STK31: variants seen among roughly 807,000 people sequenced by gnomAD.
STK31 encodes serine/threonine kinase 31, also known as serine/threonine-protein kinase 31.
Under a neutral mutation model 129.7 loss-of-function variants are expected in STK31, and 89 were observed. That is an observed-to-expected ratio of 0.69 (90% confidence interval 0.58 to 0.82). STK31 has a LOEUF of 0.82. STK31 is among the 40% of genes least tolerant of loss of function. The pLI is 0.00. For missense variants in STK31, 1,187 were observed against 1,176.4 expected (o/e 1.01, Z -0.13); for synonymous variants, 448 against 395.3 (o/e 1.13, Z -1.58).
At chr7:23,768,355 C>A in intron 11 of STK31, among the ~76,000 whole-genome samples, 1 of 152,114 alleles carries the variant, frequency 6.6e-6, no homozygotes, top group South Asian at 2.1e-4. Flanking sequence ...GATGAAATTG[C>A]CTCACGATGC....
chr7:23,730,855 T>TA (rs1787361762), intron 6 of STK31, among the ~76,000 whole-genome samples: 2 of 70,418 alleles, frequency 2.8e-5, no homozygotes, highest in Admixed American at 2.2e-4. Context: ...TATATAAACA[T>TA]TTATATATAT....
intron 23 of STK31, among the ~76,000 whole-genome samples, chr7:23,828,821 G>C (rs1353372343): frequency 2.6e-5 from 4 of 152,174 alleles, no homozygotes; most frequent in Non-Finnish European, 1.5e-5. Context: ...GGACTGTGTT[G>C]AAGAGAAGTG....
At chr7:23,783,419 G>A (rs1293414527) in intron 16 of STK31, among the ~76,000 whole-genome samples, 164 bp from the exon 17 acceptor site, 2 of 152,178 alleles carry the variant, frequency 1.3e-5, no homozygotes, top group African/African-American at 2.4e-5. Context: ...AAGGTGAGTC[G>A]TGGTTTTCAC....
intron 5 of STK31, 36 bp from the exon 6 acceptor site, chr7:23,729,055 G>A (rs1787244760): frequency 6.6e-7 from 1 of 1,515,278 alleles, no homozygotes; most frequent in African/African-American, 1.4e-5. Context: ...ATTTAATCTG[G>A]GGTCAGTATT....
At chr7:23,749,080 G>A (rs1177417950) in intron 8 of STK31, among the ~76,000 whole-genome samples, 4 of 152,110 alleles carry the variant, frequency 2.6e-5, no homozygotes, top group African/African-American at 7.2e-5. Flanking sequence ...TTTGATTTCC[G>A]TTACAGTGTT....
intron 11 of STK31, among the ~76,000 whole-genome samples, chr7:23,763,161 A>C (rs1789576235): frequency 6.6e-6 from 1 of 152,188 alleles, no homozygotes; most frequent in African/African-American, 2.4e-5. Flanking sequence ...TCCAGTATTC[A>C]CTGGGGAAAT....
intron 23 of STK31, among the ~76,000 whole-genome samples, chr7:23,831,574 G>C (rs905602164): frequency 6.6e-6 from 1 of 152,138 alleles, no homozygotes; most frequent in Non-Finnish European, 1.5e-5. Context: ...ATTCAAGGCT[G>C]TCATTGATAC....
chr7:23,817,351 G>A (rs573939848), intron 23 of STK31, among the ~76,000 whole-genome samples: 47 of 152,310 alleles, frequency 3.1e-4, no homozygotes, highest in African/African-American at 1.1e-3. Context: ...CATTGAAAAT[G>A]AGATTAATAA....
chr7:23,776,697 T>C lies in STK31; in HGVS notation c.1965+4419T>C, dbSNP rs147387190. 3.9e-3 allele frequency among the ~76,000 whole-genome samples: 601 copies of C among 152,246 alleles called. 6 individuals are homozygous for C. The highest frequency in any genetic ancestry group is 0.013 in the African/African-American group (551 of 41,566). On this transcript the variant is annotated intron_variant, in intron 15 of 23. Coordinates refer to ENST00000355870, the MANE Select transcript of STK31 (RefSeq NM_031414.5). ...TGATATCCCCTTTATCATTTTTTAT[T>C]GTGTCTATTTGATTCTTCTTTATTA... is the stretch of plus-strand genomic sequence containing the variant.
At position 23,771,102 on chromosome 7, in the gene STK31, C is replaced by T. The variant is rs745393702; in HGVS notation, c.1811C>T (p.Ala604Val). The part of the protein sequence containing the change: ...SEERLIATVQ[A>V]KYKDSIEFKK... ...GAAAGGCTCATTGCCACAGTACAAGCTAAGTACAAGGACAGTATTGAGGTT... is the reference window on the plus strand; with the variant it reads ...GAAAGGCTCATTGCCACAGTACAAGTTAAGTACAAGGACAGTATTGAGGTT... Residue 604 changes from alanine to valine, a missense_variant, in exon 14 of 24, where the codon GCT becomes GTT. Physicochemically the swap from Ala to Val is moderately conservative, Grantham distance 64. Around this residue, in one of 5 missense-constraint regions of STK31, gnomAD observed 975 missense variants for 934.9 expected, o/e 1.04. Transcript: ENST00000355870. 1.9e-6 allele frequency: 3 copies of T among 1,612,150 alleles called. No individual in the cohort carries two copies. In the Admixed American group the frequency reaches 5.0e-5, roughly 27 times the overall value.
At chr7:23,777,826 C>T (rs1190307506) in intron 15 of STK31, among the ~76,000 whole-genome samples, 1 of 152,144 alleles carries the variant, frequency 6.6e-6, no homozygotes, top group Non-Finnish European at 1.5e-5. Flanking sequence ...GGGCATTTCA[C>T]CTGTTTACAT....
chr7:23,763,144 T>C (rs961348558), intron 11 of STK31, among the ~76,000 whole-genome samples: 1 of 152,152 alleles, frequency 6.6e-6, no homozygotes, highest in Non-Finnish European at 1.5e-5. Context: ...GTAAAATGGC[T>C]AGGGACTCCA....
intron 8 of STK31, among the ~76,000 whole-genome samples, chr7:23,749,537 T>C (rs1274284196): frequency 7.2e-6 from 1 of 138,760 alleles, no homozygotes; most frequent in South Asian, 2.3e-4. Flanking sequence ...TTTTTGGGGG[T>C]AGAGACCATT....
chr7:23,800,228 A>T (rs1282148703), intron 22 of STK31, among the ~76,000 whole-genome samples: 1 of 152,346 alleles, frequency 6.6e-6, no homozygotes, highest in East Asian at 1.9e-4. Context: ...CAATCGCATT[A>T]CTGGGTATAT....
At chr7:23,772,360 T>A in intron 15 of STK31, 82 bp downstream of exon 15, 1 of 1,362,268 alleles carries the variant, frequency 7.3e-7, no homozygotes, top group South Asian at 1.4e-5. Context: ...AATGCATAAA[T>A]ACACTCTTTA....
intron 22 of STK31, among the ~76,000 whole-genome samples, chr7:23,812,311 C>A (rs1793186321): frequency 6.6e-6 from 1 of 151,132 alleles, no homozygotes; most frequent in South Asian, 2.1e-4. Flanking sequence ...GTTTATCATA[C>A]AAGGTAGTAT....
chr7:23,825,082 G>A (rs1417285481), intron 23 of STK31, among the ~76,000 whole-genome samples: 11 of 151,882 alleles, frequency 7.2e-5, no homozygotes, highest in African/African-American at 2.2e-4. Flanking sequence ...GTCTCTGCCC[G>A]GCTTTGGTAT....
At chr7:23,740,195 G>A (rs1248718101) in intron 8 of STK31, among the ~76,000 whole-genome samples, 1 of 152,064 alleles carries the variant, frequency 6.6e-6, no homozygotes, top group Non-Finnish European at 1.5e-5. Flanking sequence ...TTCCTCTTTT[G>A]GCTCCAGAGT....
intron 21 of STK31, 137 bp from the exon 22 acceptor site, chr7:23,790,687 T>C (rs1791562006): frequency 5.7e-6 from 5 of 882,420 alleles, no homozygotes; most frequent in South Asian, 3.1e-5. Flanking sequence ...TAGCAGAAAT[T>C]GGTAAAAATA....
Sources: gnomAD v4.1 joint callset for allele counts (sites outside exome capture counted in the v4.1 genomes callset) on GRCh38, gnomAD v4.1.1 for gene constraint, gnomAD v4.1.1 regional missense constraint, MANE v1.5 for transcripts, NCBI Gene and HGNC (gene_info 2026-07-23, HGNC 2026-07-21) for gene names.